The following TRPC4 variants were observed in gnomAD, a reference collection of about 807,000 sequenced individuals.
The protein encoded by TRPC4 is transient receptor potential cation channel subfamily C member 4, also known as short transient receptor potential channel 4.
In TRPC4, 49 loss-of-function variants were observed where a neutral mutation model predicts 99.4. The observed-to-expected ratio is 0.49, with a 90% CI of 0.39 to 0.63. The LOEUF (loss-of-function observed/expected upper bound fraction) is 0.63. Among genes scored for constraint, TRPC4 ranks in the 20% least tolerant of loss-of-function variants. The pLI, the probability that TRPC4 is intolerant of heterozygous loss-of-function variation, is 0.00. For missense variants in TRPC4, 898 were observed against 1,152.9 expected (o/e 0.78, Z 3.20); for synonymous variants, 454 against 425.9 (o/e 1.07, Z -0.81).
chr13:37,652,727 C>CATTGTTGA (rs1353475573), intron 7 of TRPC4, among the ~76,000 whole-genome samples: 1 of 152,170 alleles, frequency 6.6e-6, no homozygotes, highest in Non-Finnish European at 1.5e-5. Context: ...TGGGACTCAG[C>CATTGTTGA]AGATTTGGCT....
In TRPC4 at chr13:37,810,703, C is replaced by G. The variant is rs1222965100; in HGVS notation, c.-27-27343G>C. The stretch of plus-strand genomic sequence containing the variant: ...TCATACAAATGAATTAAACTTTATA[C>G]TTTTGATTTGTGGGATGCTCTTTGG... On this transcript the variant is annotated intron_variant, in intron 1 of 10. Transcript: ENST00000379705. Among the ~76,000 whole-genome samples, 7 of 152,148 alleles carry G rather than the reference C, an allele frequency of 4.6e-5. No individual in the cohort carries two copies. The East Asian group carries it at 1.4e-3, about 29-fold the overall frequency.
chr13:37,639,004 C>T (rs773237370), intron 10 of TRPC4, 36 bp downstream of exon 10: 1 of 1,601,168 alleles, frequency 6.2e-7, no homozygotes, highest in South Asian at 1.1e-5. Context: ...ATATTCTGCA[C>T]AATCTGCCTC....
chr13:37,758,780 A>G (rs1173120340), intron 2 of TRPC4, among the ~76,000 whole-genome samples: 1 of 151,682 alleles, frequency 6.6e-6, no homozygotes, highest in Non-Finnish European at 1.5e-5. Flanking sequence ...GACATTATTA[A>G]GTGACAATGG....
At chr13:37,675,757 A>T (rs1019218569) in intron 4 of TRPC4, among the ~76,000 whole-genome samples, 6 of 152,174 alleles carry the variant, frequency 3.9e-5, no homozygotes, top group African/African-American at 1.4e-4. Flanking sequence ...ATCATGGAGA[A>T]AGTTCCATCC....
chr13:37,854,185 A>C (rs1009719455), intron 1 of TRPC4, among the ~76,000 whole-genome samples: 1 of 152,168 alleles, frequency 6.6e-6, no homozygotes, highest in African/African-American at 2.4e-5. Context: ...AGCAAGAGAA[A>C]AGAAACAAAT....
chr13:37,713,379 CCT>C (rs1386126960), intron 3 of TRPC4, among the ~76,000 whole-genome samples: 2 of 152,140 alleles, frequency 1.3e-5, no homozygotes, highest in Non-Finnish European at 2.9e-5. Context: ...GTTTAATCAA[CCT>C]CTAAAGATTG....
intron 1 of TRPC4, among the ~76,000 whole-genome samples, chr13:37,814,966 C>T (rs1270814657): frequency 5.3e-5 from 8 of 151,668 alleles, no homozygotes; most frequent in South Asian, 2.1e-4. Context: ...ATGTGTAGTG[C>T]TGGAATATTA....
chr13:37,712,798 A>G (rs777220316), intron 3 of TRPC4, among the ~76,000 whole-genome samples: 1 of 152,148 alleles, frequency 6.6e-6, no homozygotes, highest in Non-Finnish European at 1.5e-5. Flanking sequence ...CAAAGATACA[A>G]CCTGCATATT....
chr13:37,819,672 T>C (rs1336758746), intron 1 of TRPC4, among the ~76,000 whole-genome samples: 3 of 151,552 alleles, frequency 2.0e-5, no homozygotes, highest in East Asian at 1.9e-4. Context: ...ACCTATCAAA[T>C]TGGGGAAGAT....
intron 2 of TRPC4, among the ~76,000 whole-genome samples, chr13:37,773,928 T>C (rs1225408104): frequency 6.6e-6 from 1 of 151,842 alleles, no homozygotes; most frequent in Non-Finnish European, 1.5e-5. Flanking sequence ...GAGTGGGAAA[T>C]ACATAACATA....
At chr13:37,722,399 A>G (rs1954901130) in intron 3 of TRPC4, among the ~76,000 whole-genome samples, 1 of 152,212 alleles carries the variant, frequency 6.6e-6, no homozygotes, top group African/African-American at 2.4e-5. Flanking sequence ...GATTAGGTTA[A>G]ATTGGATGTA....
At chr13:37,663,377 C>A in intron 6 of TRPC4, 39 bp downstream of exon 6, 1 of 1,564,054 alleles carries the variant, frequency 6.4e-7, no homozygotes, top group Non-Finnish European at 8.7e-7. Flanking sequence ...ACTCTAAATG[C>A]TGTACAACAT....
At chr13:37,742,993 C>A (rs1472728729) in intron 3 of TRPC4, among the ~76,000 whole-genome samples, 1 of 152,074 alleles carries the variant, frequency 6.6e-6, no homozygotes. Flanking sequence ...AAAATATTCT[C>A]TTTGATAGTA....
chr13:37,660,449 T>C (rs2138671742), intron 6 of TRPC4, among the ~76,000 whole-genome samples: 1 of 152,274 alleles, frequency 6.6e-6, no homozygotes, highest in East Asian at 1.9e-4. Flanking sequence ...GGATGAAGTT[T>C]GAGTGAGAGG....
intron 5 of TRPC4, among the ~76,000 whole-genome samples, chr13:37,672,761 T>TACC (rs1471008338): frequency 6.6e-6 from 1 of 152,166 alleles, no homozygotes; most frequent in Non-Finnish European, 1.5e-5. Context: ...GTTAAAAGAG[T>TACC]ACCTTCTGCT....
chr13:37,649,626 C>T (rs907990888), intron 8 of TRPC4, among the ~76,000 whole-genome samples: 5 of 148,972 alleles, frequency 3.4e-5, no homozygotes, highest in East Asian at 2.0e-4. Flanking sequence ...CCCAGCTACT[C>T]GGGAGGCTGA....
intron 2 of TRPC4, among the ~76,000 whole-genome samples, chr13:37,754,366 C>A (rs541493302): frequency 1.3e-5 from 2 of 152,064 alleles, no homozygotes; most frequent in Admixed American, 1.3e-4. Flanking sequence ...ATTAACTTTT[C>A]TTCTCAAATT....
intron 1 of TRPC4, among the ~76,000 whole-genome samples, chr13:37,847,762 C>T (rs182812704): frequency 2.0e-5 from 3 of 151,998 alleles, no homozygotes; most frequent in African/African-American, 4.8e-5. Context: ...AAATACTGTA[C>T]GATCTCATTT....
intron 5 of TRPC4, among the ~76,000 whole-genome samples, chr13:37,672,492 G>A (rs2147124): frequency 0.26 from 40,281 of 152,094 alleles, 6,401 homozygotes; most frequent in Non-Finnish European, 0.36. Flanking sequence ...TCTGGTGATG[G>A]AGAAAATGAA....
Sources: allele counts gnomAD v4.1 joint callset (sites outside exome capture counted in the v4.1 genomes callset), GRCh38; gene constraint gnomAD v4.1.1; transcripts MANE v1.5; gene names NCBI Gene and HGNC (gene_info 2026-07-23, HGNC 2026-07-21).